COL21A1: variants seen among roughly 807,000 people sequenced by gnomAD.
The protein encoded by COL21A1 is collagen type XXI alpha 1 chain.
Under a neutral mutation model 137.9 loss-of-function variants are expected in COL21A1, and 149 were observed. The observed-to-expected ratio is 1.08, with a 90% confidence interval of 0.95 to 1.24. The LOEUF is 1.24. Among genes scored for constraint, COL21A1 ranks in the 50% most tolerant of loss-of-function variants. The pLI is 0.00. For missense variants in COL21A1, 1,167 were observed against 1,158.4 expected (o/e 1.01, Z -0.11); for synonymous variants, 456 against 391.5 (o/e 1.16, Z -1.95).
At position 56,290,273 on chromosome 6, in the gene COL21A1, T is replaced by C. The variant is rs547670658; in HGVS notation, c.-39+103698A>G. ...ACTATTGATATTGTGGTTAGAATCATCCTTTGTCATGGAAGACTGTCCTGT... is the reference window on the plus strand; with the variant it reads ...ACTATTGATATTGTGGTTAGAATCACCCTTTGTCATGGAAGACTGTCCTGT... On this transcript the variant is annotated intron_variant, in intron 1 of 28. Transcript: ENST00000370819. Among the ~76,000 whole-genome samples the C allele has an allele frequency of 2.0e-5, 3 of 152,022 alleles. No homozygotes were observed. The East Asian group carries it at 5.9e-4, about 30-fold the overall frequency.
chr6:56,290,170 A>G (rs982768533), intron 1 of COL21A1, among the ~76,000 whole-genome samples: 1 of 152,180 alleles, frequency 6.6e-6, no homozygotes, highest in African/African-American at 2.4e-5. Context: ...GAATAAATAA[A>G]TGAATTAGCA....
intron 1 of COL21A1, among the ~76,000 whole-genome samples, chr6:56,274,562 A>G (rs1295979058): frequency 6.6e-6 from 1 of 152,202 alleles, no homozygotes; most frequent in Non-Finnish European, 1.5e-5. Flanking sequence ...ATTTCTATAC[A>G]CCAATTACAT....
intron 1 of COL21A1, among the ~76,000 whole-genome samples, chr6:56,303,161 C>T (rs534003825): frequency 4.6e-5 from 7 of 152,244 alleles, no homozygotes; most frequent in African/African-American, 7.2e-5. Context: ...AGTCAGGTAG[C>T]GTGATGCCTC....
At position 56,269,725 on chromosome 6, in the gene COL21A1, T is replaced by C. The variant is rs147147895; in HGVS notation, c.-38-87069A>G. On this transcript the variant is annotated intron_variant, in intron 1 of 28. Transcript: ENST00000370819. ...AAAGGGAACCCCATCAGGCTAGCAGTGGACCTCTCAGCAGAAACCACAAAA... is the reference window on the plus strand; with the variant it reads ...AAAGGGAACCCCATCAGGCTAGCAGCGGACCTCTCAGCAGAAACCACAAAA... 3.4e-3 allele frequency among the ~76,000 whole-genome samples: 504 copies of C among 147,912 alleles called. 2 individuals carry two copies. The highest frequency in any genetic ancestry group is 7.0e-3 in the Middle Eastern group (2 of 284).
chr6:56,308,625 A>T (rs72870217), intron 1 of COL21A1, among the ~76,000 whole-genome samples: 1 of 152,230 alleles, frequency 6.6e-6, no homozygotes, highest in Non-Finnish European at 1.5e-5. Context: ...TCAGTCAAGC[A>T]AGATGAATAA....
intron 20 of COL21A1, 50 bp from the exon 21 acceptor site, chr6:56,070,848 A>G (rs777198508): frequency 3.7e-6 from 5 of 1,347,580 alleles, no homozygotes; most frequent in Non-Finnish European, 4.1e-6. Context: ...ATTCTGTCAT[A>G]ATATATCTGA....
At chr6:56,205,531 G>A (rs1219960617) in intron 1 of COL21A1, among the ~76,000 whole-genome samples, 2 of 152,188 alleles carry the variant, frequency 1.3e-5, no homozygotes, top group Non-Finnish European at 2.9e-5. Context: ...AAAGTGATGG[G>A]GAGAATGGAA....
chr6:56,304,895 C>G (rs1415397595), intron 1 of COL21A1, among the ~76,000 whole-genome samples: 1 of 152,196 alleles, frequency 6.6e-6, no homozygotes, highest in African/African-American at 2.4e-5. Flanking sequence ...CCTCTACACA[C>G]TGCTTTGAAT....
intron 17 of COL21A1, among the ~76,000 whole-genome samples, chr6:56,081,932 C>T (rs1767806608): frequency 6.6e-6 from 1 of 151,696 alleles, no homozygotes; most frequent in South Asian, 2.1e-4. Flanking sequence ...ACCTTATAGG[C>T]TACAAAAAAA....
chr6:56,377,271 G>A (rs577282956), intron 1 of COL21A1, among the ~76,000 whole-genome samples: 3 of 152,156 alleles, frequency 2.0e-5, no homozygotes, highest in East Asian at 1.9e-4. Flanking sequence ...TTACAGGCGT[G>A]AGCCACCGCG....
chr6:56,147,365 CT>C (rs542984888), intron 10 of COL21A1, among the ~76,000 whole-genome samples: 3,265 of 144,240 alleles, frequency 0.023, 70 homozygotes, highest in African/African-American at 0.052. Context: ...TTGTTTTTTG[CT>C]TTTTTTTTTT....
chr6:56,283,760 C>T (rs776962274), intron 1 of COL21A1, among the ~76,000 whole-genome samples: 1 of 151,928 alleles, frequency 6.6e-6, no homozygotes, highest in African/African-American at 2.4e-5. Flanking sequence ...TTTAAATAAA[C>T]CTTGTGAAAG....
intron 1 of COL21A1, among the ~76,000 whole-genome samples, chr6:56,298,490 C>T (rs1186496608): frequency 2.0e-5 from 3 of 151,858 alleles, no homozygotes; most frequent in Non-Finnish European, 4.4e-5. Context: ...TCTCTGTAAC[C>T]TATAATGTGC....
chr6:56,099,273 G>T (rs753964005), intron 17 of COL21A1, among the ~76,000 whole-genome samples: 1 of 120,906 alleles, frequency 8.3e-6, no homozygotes, highest in East Asian at 2.4e-4. Context: ...TAGCTCTGTC[G>T]CCCAGGCTGG....
At chr6:56,360,970 G>A (rs1443050700) in intron 1 of COL21A1, among the ~76,000 whole-genome samples, 1 of 152,048 alleles carries the variant, frequency 6.6e-6, no homozygotes, top group South Asian at 2.1e-4. Context: ...TTGTGGTGAC[G>A]CGTGCCTGTA....
intron 1 of COL21A1, among the ~76,000 whole-genome samples, chr6:56,270,317 A>G (rs537877644): frequency 6.6e-6 from 1 of 152,362 alleles, no homozygotes; most frequent in Non-Finnish European, 1.5e-5. Context: ...TAATAAGGAT[A>G]AAGAAGAGCA....
At chr6:56,392,139 T>A (rs545761797) in intron 1 of COL21A1, among the ~76,000 whole-genome samples, 281 of 152,120 alleles carry the variant, frequency 1.8e-3, no homozygotes, top group African/African-American at 6.6e-3. Flanking sequence ...ATTAAAAGGA[T>A]CACGCATCAT....
At chr6:56,065,371 G>A (rs1228006147) in intron 23 of COL21A1, among the ~76,000 whole-genome samples, 1 of 152,010 alleles carries the variant, frequency 6.6e-6, no homozygotes, top group Non-Finnish European at 1.5e-5. Context: ...CATTTTTTGA[G>A]CAGCACCTAT....
chr6:56,216,795 C>T lies in COL21A1; in HGVS notation c.-39+30592G>A, dbSNP rs183913985. 1.9e-3 allele frequency among the ~76,000 whole-genome samples: 284 copies of T among 152,142 alleles called. 1 individual carries two copies. The highest frequency in any genetic ancestry group is 6.1e-3 in the African/African-American group (253 of 41,544). On this transcript the variant is annotated intron_variant, in intron 1 of 29. Coordinates refer to ENST00000244728, the MANE Select transcript of COL21A1 (RefSeq NM_030820.4). ...GGCACTAAGCTGGATTTTTCCATACCTGCTTGCATTTTTAAACAATGAAAA... is the reference window on the plus strand; with the variant it reads ...GGCACTAAGCTGGATTTTTCCATACTTGCTTGCATTTTTAAACAATGAAAA...
Sources: allele counts gnomAD v4.1 joint callset (sites outside exome capture counted in the v4.1 genomes callset), GRCh38; gene constraint gnomAD v4.1.1; transcripts MANE v1.5; gene names NCBI Gene and HGNC (gene_info 2026-07-23, HGNC 2026-07-21).